Variants in FAM200B observed in about 807,000 individuals in gnomAD.
FAM200B encodes the protein zinc finger BED-type containing 11.
Under a neutral mutation model 33.1 loss-of-function variants are expected in FAM200B, and 32 were observed. The observed-to-expected ratio is 0.97, with a 90% CI of 0.73 to 1.30. FAM200B has a LOEUF of 1.30. Ranked by LOEUF, FAM200B falls within the 50% of genes most tolerant of loss-of-function variation. FAM200B has a pLI of 0.00. For synonymous variants in FAM200B, 240 were observed against 264.8 expected, an observed-to-expected ratio of 0.91 and a Z score of 0.91; for missense variants, 741 against 754.0, an observed-to-expected ratio of 0.98 and a Z score of 0.20.
At chr4:15,666,871 T>TA in the FAM200B span, among the ~76,000 whole-genome samples, 385 of 145,846 alleles carry the variant, frequency 2.6e-3, 7 homozygotes, top group East Asian at 0.056. Context: ...GTCCCACCAT[T>TA]AAAAAAAAAA....
At chr4:15,651,080 A>G in the FAM200B span, among the ~76,000 whole-genome samples, 1 of 152,202 alleles carries the variant, frequency 6.6e-6, no homozygotes, top group African/African-American at 2.4e-5. Flanking sequence ...AAACACATAT[A>G]TTATTCCCCC....
chr4:15,672,620 T>C, the FAM200B span, among the ~76,000 whole-genome samples: 1 of 152,170 alleles, frequency 6.6e-6, no homozygotes, highest in African/African-American at 2.4e-5. Context: ...TGAATGGAGC[T>C]TGTAGGACTA....
chr4:15,668,206 G>A, the FAM200B span, among the ~76,000 whole-genome samples: 1 of 151,332 alleles, frequency 6.6e-6, no homozygotes, highest in African/African-American at 2.4e-5. Context: ...AAAAGTATCA[G>A]TTGTAAATGG....
the FAM200B span, among the ~76,000 whole-genome samples, chr4:15,669,593 T>G: frequency 6.6e-6 from 1 of 152,088 alleles, no homozygotes; most frequent in African/African-American, 2.4e-5. Flanking sequence ...AGAATGATAA[T>G]AAATACTCCC....
chr4:15,681,800 T>G (rs1454626465), upstream of FAM200B: 1 of 152,548 alleles, frequency 6.6e-6, no homozygotes, highest in Non-Finnish European at 1.5e-5. Flanking sequence ...CCGGAAGTGG[T>G]GTTGCGGAGG....
chr4:15,647,160 T>A, the FAM200B span, among the ~76,000 whole-genome samples: 2 of 139,270 alleles, frequency 1.4e-5, no homozygotes, highest in Non-Finnish European at 3.0e-5. Flanking sequence ...GAGGCAGAGG[T>A]TGCAGTGAGC....
chr4:15,662,471 A>G, the FAM200B span, among the ~76,000 whole-genome samples: 2 of 152,234 alleles, frequency 1.3e-5, no homozygotes, highest in Non-Finnish European at 2.9e-5. Flanking sequence ...TACCTGGCAT[A>G]TTAAGCATTC....
chr4:15,672,570 A>G, the FAM200B span, among the ~76,000 whole-genome samples: 1 of 152,204 alleles, frequency 6.6e-6, no homozygotes, highest in Non-Finnish European at 1.5e-5. Flanking sequence ...AAAATACAGT[A>G]TGAAAGATAA....
rs775385577 is a variant in FAM200B at position 15,688,419 on chromosome 4, A to G, written c.1442A>G (p.Tyr481Cys). Residue 481 changes from tyrosine (Y) to cysteine (C), a missense_variant, in exon 2 of 2, where the codon TAT (tyrosine) becomes TGT (cysteine). Coordinates refer to ENST00000422728, the MANE Select transcript of FAM200B (RefSeq NM_001145191.2). Reference sequence around the variant, plus strand: ...AGACTTAAAAGTAATCGTCCTAGCTATTACATGTTTCCAAGATTTTTGCAG... The same window carrying G: ...AGACTTAAAAGTAATCGTCCTAGCTGTTACATGTTTCCAAGATTTTTGCAG... ...QVRLKSNRPSYYMFPRFLQHI... is the reference protein window; with the variant it reads ...QVRLKSNRPSCYMFPRFLQHI... 1.2e-5 allele frequency: 18 copies of G among 1,546,694 alleles called. No homozygotes were observed. Among genetic ancestry groups the G allele is most frequent in the Non-Finnish European group, 1.6e-5 (18 of 1,143,674 alleles).
chr4:15,688,818 G>C lies in FAM200B; in HGVS notation c.1841G>C (p.Gly614Ala). The C allele has an allele frequency of 6.4e-7, 1 of 1,551,370 alleles. No individual in the cohort carries two copies. Among genetic ancestry groups the C allele is most frequent in the Non-Finnish European group, 8.7e-7 (1 of 1,146,824 alleles). The stretch of plus-strand genomic sequence containing the variant: ...ACAACAACTAGTTTGTGTGAACTAG[G>C]GTTTTCCATCTTAACGCAGTTAAAA... The part of the protein sequence containing the change: ...PFTTTSLCEL[G>A]FSILTQLKTK... The change falls in exon 2 of 2, where the codon GGG becomes GCG. Residue 614 changes from glycine (G) to alanine (A), a missense_variant. Coordinates refer to ENST00000422728, the MANE Select transcript of FAM200B (RefSeq NM_001145191.2).
chr4:15,687,261 AT>A lies in FAM200B; in HGVS notation c.285del (p.Asn95LysfsTer4), dbSNP rs1560263462. On this transcript the variant is annotated frameshift_variant, in exon 2 of 2. Coordinates refer to ENST00000422728, the MANE Select transcript of FAM200B (RefSeq NM_001145191.2). LOFTEE classifies it high-confidence loss of function. ...GTTATTTGTAATAATATTCTTGCGA[AT>A]GAAAGCTTAAAACCTTCGAAATTAA... is the stretch of plus-strand genomic sequence containing the variant. ...QCVICNNILA[N>X]ESLKPSKLKR... The A allele has an allele frequency of 6.5e-6, 10 of 1,546,768 alleles. No individual in the cohort carries two copies. In the East Asian group the frequency reaches 2.2e-4, roughly 34 times the overall value.
At chr4:15,663,291 CA>C in the FAM200B span, among the ~76,000 whole-genome samples, 5 of 152,176 alleles carry the variant, frequency 3.3e-5, no homozygotes, top group African/African-American at 1.2e-4. Context: ...ACATAGTAGC[CA>C]TTCAATAAAT....
In FAM200B at chr4:15,689,209, A is replaced by G; in HGVS notation, c.*258A>G. 1 of 317,344 alleles carries G rather than the reference A, an allele frequency of 3.2e-6. No homozygotes were observed. The highest frequency in any genetic ancestry group is 6.0e-6 in the Non-Finnish European group (1 of 168,040). 19.7% of individuals were successfully genotyped at this position (317,344 alleles called of 1,614,324 possible). On this transcript the variant is annotated 3_prime_UTR_variant, in exon 2 of 2. Transcript: ENST00000422728. Reference sequence around the variant, plus strand: ...CCCTAGTAGAGTTTATATCCTGGCAAGGAGAAATTGACAATAAACCTAATA... The same window carrying G: ...CCCTAGTAGAGTTTATATCCTGGCAGGGAGAAATTGACAATAAACCTAATA...
rs1422048768 is a variant in FAM200B at position 15,687,158 on chromosome 4, A to AT, written c.181_182insT (p.Arg61MetfsTer4). 6.5e-7 allele frequency: 1 copy of AT among 1,544,324 alleles called. No homozygotes were observed. The highest frequency in any genetic ancestry group is 8.7e-7 in the Non-Finnish European group (1 of 1,144,454). On this transcript the variant is annotated frameshift_variant, in exon 2 of 2. Coordinates refer to ENST00000422728, the MANE Select transcript of FAM200B (RefSeq NM_001145191.2). LOFTEE classifies it high-confidence loss of function. The stretch of plus-strand genomic sequence containing the variant: ...TTTCAAAAAGAAAAAAGTAAGTGCA[A>AT]GACGTTATAATGAAGATTACTTAAA...
Position 15,687,409 on chromosome 4 carries a change from GA to G in FAM200B, c.435del (p.Ala146ProfsTer7). ...FLSCSTAVSE[K>X]ALLSSYLVAY... ...TTAGTTGTTCTACTGCTGTTAGTGA[GA>G]AAGCCTTATTATCATCATATTTAGT... is the stretch of plus-strand genomic sequence containing the variant. On this transcript the variant is annotated frameshift_variant, in exon 2 of 2. Coordinates refer to ENST00000422728, the MANE Select transcript of FAM200B (RefSeq NM_001145191.2). LOFTEE classifies it high-confidence loss of function. The G allele has an allele frequency of 2.6e-6, 4 of 1,549,198 alleles. No individual in the cohort carries two copies. Among genetic ancestry groups the G allele is most frequent in the Non-Finnish European group, 3.5e-6 (4 of 1,145,446 alleles).
the FAM200B span, among the ~76,000 whole-genome samples, chr4:15,665,757 G>T: frequency 6.6e-6 from 1 of 152,092 alleles, no homozygotes; most frequent in South Asian, 2.1e-4. Context: ...CTGGCCCCCA[G>T]TCCAAAATTC....
the FAM200B span, among the ~76,000 whole-genome samples, chr4:15,664,975 G>A: frequency 6.6e-6 from 1 of 152,042 alleles, no homozygotes; most frequent in African/African-American, 2.4e-5. Context: ...TTGAAGTTTA[G>A]AACCTAAACT....
At chr4:15,667,943 T>A in the FAM200B span, among the ~76,000 whole-genome samples, 2 of 150,930 alleles carry the variant, frequency 1.3e-5, no homozygotes, top group African/African-American at 4.9e-5. Flanking sequence ...CGGGAGGTTG[T>A]GGGAGGAGAA....
chr4:15,665,570 T>G, the FAM200B span, among the ~76,000 whole-genome samples: 2 of 152,076 alleles, frequency 1.3e-5, no homozygotes, highest in Non-Finnish European at 2.9e-5. Flanking sequence ...AACCCAAGTT[T>G]ATATTTGTTT....
Sources: gnomAD v4.1 joint callset for allele counts (sites outside exome capture counted in the v4.1 genomes callset) on GRCh38, gnomAD v4.1.1 for gene constraint, MANE v1.5 for transcripts, NCBI Gene and HGNC (gene_info 2026-07-23, HGNC 2026-07-21) for gene names.